The following AKT3 variants were observed in gnomAD, a reference collection of about 807,000 sequenced individuals.
AKT3 encodes the protein AKT serine/threonine kinase 3, also known as RAC-gamma serine/threonine-protein kinase.
In AKT3, 15 loss-of-function variants were observed where a neutral mutation model predicts 65.3. That is an observed-to-expected ratio of 0.23 (90% CI 0.15 to 0.35). The LOEUF (loss-of-function observed/expected upper bound fraction) is 0.35. Among genes scored for constraint, AKT3 ranks in the 10% least tolerant of loss-of-function variants. The pLI is 1.00. For missense variants in AKT3, 243 were observed against 576.5 expected (o/e 0.42, Z 5.92); for synonymous variants, 206 against 183.8 (o/e 1.12, Z -0.98).
At chr1:243,743,036 A>G (rs1688258216) in intron 2 of AKT3, among the ~76,000 whole-genome samples, 1 of 152,186 alleles carries the variant, frequency 6.6e-6, no homozygotes, top group Non-Finnish European at 1.5e-5. Context: ...AGTGACACAT[A>G]CTATTTTCAC....
intron 9 of AKT3, among the ~76,000 whole-genome samples, chr1:243,570,721 G>A (rs1033792193): frequency 3.9e-5 from 6 of 152,138 alleles, no homozygotes; most frequent in African/African-American, 1.4e-4. Context: ...CAAATAACAT[G>A]TGTGTAAGTT....
intron 2 of AKT3, among the ~76,000 whole-genome samples, chr1:243,716,622 T>A (rs1049990664): frequency 9.2e-5 from 14 of 152,196 alleles, no homozygotes; most frequent in Admixed American, 8.5e-4. Context: ...TCTTCATTTC[T>A]ATAATAAACA....
chr1:243,688,536 A>G (rs185546044), intron 3 of AKT3, among the ~76,000 whole-genome samples: 176 of 152,292 alleles, frequency 1.2e-3, no homozygotes, highest in South Asian at 1.5e-3. Flanking sequence ...AAAAGATAAT[A>G]TTTGAAGGTA....
intron 6 of AKT3, among the ~76,000 whole-genome samples, chr1:243,628,531 C>A (rs1383006715): frequency 6.6e-6 from 1 of 152,168 alleles, no homozygotes. Flanking sequence ...GTCTGAACTC[C>A]TGGACTCATG....
intron 3 of AKT3, among the ~76,000 whole-genome samples, chr1:243,672,274 A>G (rs937326983): frequency 4.6e-5 from 7 of 152,244 alleles, no homozygotes; most frequent in African/African-American, 1.7e-4. Flanking sequence ...AAGGAAGGCA[A>G]GAGAGCCTTT....
chr1:243,525,819 G>A (rs1671021275), intron 12 of AKT3, among the ~76,000 whole-genome samples: 1 of 42 alleles, frequency 0.024, no homozygotes, highest in Non-Finnish European at 0.17. Context: ...GGGAGAGGGA[G>A]GGAGGGAGGG....
chr1:243,642,365 A>G (rs1444475685), intron 5 of AKT3, among the ~76,000 whole-genome samples: 1 of 152,230 alleles, frequency 6.6e-6, no homozygotes, highest in Non-Finnish European at 1.5e-5. Flanking sequence ...GCTAGAGTGC[A>G]GTGGCACGAT....
In AKT3 at chr1:243,634,809, T is replaced by C. The variant is rs1036267734; in HGVS notation, c.561+2802A>G. ...ACCATCAAAATATATGAGGCAAAAA[T>C]TGAAAGAACTGCAGAAAGCAATGAC... On this transcript the variant is annotated intron_variant, in intron 6 of 13. Transcript: ENST00000673466. 1.5e-4 allele frequency among the ~76,000 whole-genome samples: 22 copies of C among 151,522 alleles called. 1 individual carries two copies. The highest frequency in any genetic ancestry group is 1.1e-3 in the Admixed American group (17 of 15,214).
intron 3 of AKT3, among the ~76,000 whole-genome samples, chr1:243,671,470 AAT>A (rs1056410636): frequency 6.6e-6 from 1 of 152,232 alleles, no homozygotes; most frequent in African/African-American, 2.4e-5. Context: ...AGGTCTTAAA[AAT>A]ATGATACACC....
rs111613521 is a variant in AKT3, at chr1:243,790,984, G to A, written c.46+52141C>T. The stretch of plus-strand genomic sequence containing the variant: ...TCACCATAACCGGTATAATAATAAC[G>A]AAAAAGTTGAAATACTGCAAGAATT... On this transcript the variant is annotated intron_variant, in intron 2 of 13. Transcript: ENST00000673466. Among the ~76,000 whole-genome samples the A allele has an allele frequency of 4.1e-3, 623 of 152,196 alleles. 2 individuals carry two copies. Among genetic ancestry groups the A allele is most frequent in the Non-Finnish European group, 7.2e-3 (493 of 68,006 alleles).
chr1:243,782,222 C>G (rs375605516), intron 2 of AKT3, among the ~76,000 whole-genome samples: 1 of 152,192 alleles, frequency 6.6e-6, no homozygotes, highest in South Asian at 2.1e-4. Context: ...ACTTGTAAAG[C>G]GGTATTGGCC....
intron 2 of AKT3, among the ~76,000 whole-genome samples, chr1:243,729,447 T>A (rs1367752994): frequency 6.6e-6 from 1 of 152,016 alleles, no homozygotes; most frequent in African/African-American, 2.4e-5. Context: ...GAGAATATGG[T>A]GAGAACATAA....
chr1:243,715,216 C>T (rs6687181), intron 2 of AKT3, among the ~76,000 whole-genome samples: 30,226 of 151,946 alleles, frequency 0.2, 3,381 homozygotes, highest in East Asian at 0.34. Flanking sequence ...GAAGGAATGG[C>T]TTCATCCAGA....
intron 9 of AKT3, among the ~76,000 whole-genome samples, chr1:243,568,853 T>C (rs560632631): frequency 6.6e-6 from 1 of 152,272 alleles, no homozygotes; most frequent in East Asian, 1.9e-4. Flanking sequence ...TGTAACCTGT[T>C]TGTAGCACCC....
intron 12 of AKT3, among the ~76,000 whole-genome samples, chr1:243,518,491 G>A (rs924809598): frequency 2.6e-5 from 4 of 152,058 alleles, no homozygotes; most frequent in African/African-American, 7.2e-5. Flanking sequence ...TGGGTGTAGT[G>A]GCACATGCCT....
intron 13 of AKT3, among the ~76,000 whole-genome samples, chr1:243,510,820 GT>G (rs1179463490): frequency 6.6e-6 from 1 of 152,244 alleles, no homozygotes; most frequent in Admixed American, 6.5e-5. Context: ...GAATGATGTG[GT>G]CTGATTACAG....
Position 243,618,218 on chromosome 1 carries a change from G to A in AKT3, c.562-3057C>T, listed in dbSNP as rs114659412. Among the ~76,000 whole-genome samples, 391 of 152,156 alleles carry A rather than the reference G, an allele frequency of 2.6e-3. 5 individuals are homozygous for A. Among genetic ancestry groups the A allele is most frequent in the African/African-American group, 9.2e-3 (381 of 41,514 alleles). ...GACCACATCCAAGGAACCAAGTAAA[G>A]ACGTATGGAGGCAAAAGCAAAAACA... On this transcript the variant is annotated intron_variant, in intron 6 of 13. Coordinates refer to ENST00000673466, the MANE Select transcript of AKT3 (RefSeq NM_005465.7).
At chr1:243,734,539 T>C (rs1289921665) in intron 2 of AKT3, among the ~76,000 whole-genome samples, 1 of 151,776 alleles carries the variant, frequency 6.6e-6, no homozygotes. Flanking sequence ...ACAGTAAAAA[T>C]ACAGTACACA....
In AKT3 at chr1:243,547,694, T is replaced by C. The variant is rs117587483; in HGVS notation, c.1164-2097A>G. Reference sequence around the variant, plus strand: ...AGGTCAGAAATCATTTATAATTATATAATTCTAATGAATTCTGGTTATTAG... The same window carrying C: ...AGGTCAGAAATCATTTATAATTATACAATTCTAATGAATTCTGGTTATTAG... On this transcript the variant is annotated intron_variant, in intron 11 of 13. Coordinates refer to ENST00000673466, the MANE Select transcript of AKT3 (RefSeq NM_005465.7). Among the ~76,000 whole-genome samples the C allele has an allele frequency of 2.6e-3, 402 of 152,340 alleles. 3 individuals carry two copies. The highest frequency in any genetic ancestry group is 0.026 in the East Asian group (136 of 5,188).
Sources: allele counts gnomAD v4.1 joint callset (sites outside exome capture counted in the v4.1 genomes callset), GRCh38; gene constraint gnomAD v4.1.1; transcripts MANE v1.5; gene names NCBI Gene and HGNC (gene_info 2026-07-23, HGNC 2026-07-21).